CWC27: variants seen among roughly 807,000 people sequenced by gnomAD.
CWC27 encodes CWC27 spliceosome associated cyclophilin.
A neutral mutation model predicts 63.6 loss-of-function variants in CWC27; 47 were observed. That is an observed-to-expected ratio of 0.74 (90% CI 0.58 to 0.94). The LOEUF (loss-of-function observed/expected upper bound fraction) is 0.94. CWC27 is among the 40% of genes least tolerant of loss of function. CWC27 has a pLI of 0.00. For missense variants in CWC27, 495 were observed against 554.3 expected (o/e 0.89, Z 1.07); for synonymous variants, 175 against 179.8 (o/e 0.97, Z 0.22).
chr5:64,962,064 T>G (rs1421299986), intron 11 of CWC27, among the ~76,000 whole-genome samples: 1 of 152,216 alleles, frequency 6.6e-6, no homozygotes, highest in African/African-American at 2.4e-5. Context: ...AAAACAGAAT[T>G]ATTTTAAATG....
intron 10 of CWC27, among the ~76,000 whole-genome samples, chr5:64,856,608 C>T (rs1371007958): frequency 1.3e-5 from 2 of 151,876 alleles, no homozygotes; most frequent in African/African-American, 4.8e-5. Context: ...TTATTGCTCT[C>T]TTTGTAAACA....
intron 11 of CWC27, among the ~76,000 whole-genome samples, chr5:64,936,601 A>T (rs1748357046): frequency 6.6e-6 from 1 of 152,132 alleles, no homozygotes; most frequent in Admixed American, 6.5e-5. Flanking sequence ...TATCAGGATG[A>T]TGCTGGCCTG....
At chr5:64,972,214 T>G (rs1391695147) in intron 12 of CWC27, among the ~76,000 whole-genome samples, 1 of 152,200 alleles carries the variant, frequency 6.6e-6, no homozygotes, top group Non-Finnish European at 1.5e-5. Context: ...AGCTTGAAAT[T>G]GTACACTGTC....
intron 10 of CWC27, among the ~76,000 whole-genome samples, chr5:64,813,361 G>A (rs772936501): frequency 2.0e-5 from 3 of 152,036 alleles, no homozygotes; most frequent in Non-Finnish European, 2.9e-5. Context: ...CAGTTAATCC[G>A]TATCCAAGGA....
intron 10 of CWC27, among the ~76,000 whole-genome samples, chr5:64,878,469 T>TAAAAAAAAAAAAA: frequency 3.7e-5 from 1 of 27,080 alleles, no homozygotes; most frequent in Non-Finnish European, 5.9e-5. Flanking sequence ...GGGTTACAGA[T>TAAAAAAAAAAAAA]TAAAAAAAAA....
chr5:64,823,978 T>C (rs146504520), intron 10 of CWC27, among the ~76,000 whole-genome samples: 10 of 152,314 alleles, frequency 6.6e-5, no homozygotes, highest in Non-Finnish European at 1.5e-4. Flanking sequence ...ATAAAAACTT[T>C]ATGACAACCT....
intron 13 of CWC27, among the ~76,000 whole-genome samples, chr5:65,016,773 A>G (rs917414230): frequency 2.0e-5 from 3 of 152,166 alleles, no homozygotes; most frequent in African/African-American, 7.2e-5. Flanking sequence ...TTTGCCACAC[A>G]AGTAAATTTC....
chr5:64,870,530 G>A (rs1385044562), intron 10 of CWC27, among the ~76,000 whole-genome samples: 1 of 150,640 alleles, frequency 6.6e-6, no homozygotes, highest in Non-Finnish European at 1.5e-5. Context: ...TTGAACACTG[G>A]AGTATTTTTA....
At chr5:64,788,469 G>C (rs1743960474) in intron 6 of CWC27, among the ~76,000 whole-genome samples, 1 of 151,690 alleles carries the variant, frequency 6.6e-6, no homozygotes, top group Admixed American at 6.6e-5. Flanking sequence ...TATTTTAGTT[G>C]TTCATTGCTC....
At chr5:64,949,804 G>GT (rs1411754221) in intron 11 of CWC27, among the ~76,000 whole-genome samples, 1 of 151,914 alleles carries the variant, frequency 6.6e-6, no homozygotes, top group Non-Finnish European at 1.5e-5. Flanking sequence ...TCAAGTAGTT[G>GT]TTTAAGATCA....
chr5:64,812,729 C>T (rs1744912884), intron 10 of CWC27, among the ~76,000 whole-genome samples: 2 of 152,096 alleles, frequency 1.3e-5, no homozygotes, highest in African/African-American at 4.8e-5. Flanking sequence ...TGTGTAAGAA[C>T]TGGTGCGTGC....
At chr5:64,775,326 G>A (rs1253513739) in intron 2 of CWC27, among the ~76,000 whole-genome samples, 5 of 152,040 alleles carry the variant, frequency 3.3e-5, no homozygotes, top group African/African-American at 1.2e-4. Context: ...ATTGCCTCTT[G>A]CCTGCTCCCC....
intron 10 of CWC27, among the ~76,000 whole-genome samples, chr5:64,814,715 A>C (rs1380238953): frequency 6.6e-6 from 1 of 152,190 alleles, no homozygotes; most frequent in Non-Finnish European, 1.5e-5. Flanking sequence ...CAGCTAAAGA[A>C]AGACTGACAT....
intron 10 of CWC27, among the ~76,000 whole-genome samples, chr5:64,881,445 T>A (rs1350932841): frequency 1.3e-5 from 2 of 152,100 alleles, no homozygotes; most frequent in East Asian, 3.8e-4. Context: ...ATAGTAGAAA[T>A]AACATTCATT....
chr5:64,776,429 A>G lies in CWC27; in HGVS notation c.139+1642A>G, dbSNP rs117599036. 8.4e-4 allele frequency among the ~76,000 whole-genome samples: 128 copies of G among 152,272 alleles called. 2 individuals are homozygous for G. The East Asian group carries it at 0.021, about 26-fold the overall frequency. ...GATACAATGTGACAGTGAAGAAGAA[A>G]TGAGGTTCTTAAGTTGGGTGATGAT... On this transcript the variant is annotated intron_variant, in intron 2 of 13. Transcript: ENST00000381070.
intron 11 of CWC27, among the ~76,000 whole-genome samples, chr5:64,890,310 G>A (rs994771547): frequency 6.6e-6 from 1 of 152,094 alleles, no homozygotes; most frequent in Non-Finnish European, 1.5e-5. Flanking sequence ...TTTTAATACT[G>A]GATCAAATCA....
chr5:64,922,705 G>A (rs1026302703), intron 11 of CWC27, among the ~76,000 whole-genome samples: 1 of 152,196 alleles, frequency 6.6e-6, no homozygotes, highest in Non-Finnish European at 1.5e-5. Flanking sequence ...GACTGTTAGA[G>A]TTCCCAGAGT....
chr5:64,906,493 C>G (rs1466279577), intron 11 of CWC27, among the ~76,000 whole-genome samples: 1 of 152,196 alleles, frequency 6.6e-6, no homozygotes, highest in African/African-American at 2.4e-5. Context: ...TGTTCATATC[C>G]TTTGCCCACT....
intron 11 of CWC27, among the ~76,000 whole-genome samples, chr5:64,918,322 TAG>T: frequency 6.6e-6 from 1 of 152,024 alleles, no homozygotes; most frequent in African/African-American, 2.4e-5. Flanking sequence ...AAATTTCAGT[TAG>T]AGAGGAGTAA....
Sources: allele counts gnomAD v4.1 joint callset (sites outside exome capture counted in the v4.1 genomes callset), GRCh38; gene constraint gnomAD v4.1.1; transcripts MANE v1.5; gene names NCBI Gene and HGNC (gene_info 2026-07-23, HGNC 2026-07-21).